Variants in FOXJ3 observed in about 807,000 individuals in gnomAD.
The protein encoded by FOXJ3 is forkhead box protein J3.
In FOXJ3, 22 loss-of-function variants were observed where a neutral mutation model predicts 76.1. That is an observed-to-expected ratio of 0.29 (90% CI 0.21 to 0.41). The LOEUF is 0.41. Ranked by LOEUF, FOXJ3 falls within the 10% of genes least tolerant of loss-of-function variation. The pLI, the probability that FOXJ3 is intolerant of heterozygous loss-of-function variation, is 1.00. For synonymous variants in FOXJ3, 269 were observed against 261.2 expected, an observed-to-expected ratio of 1.03 and a Z score of -0.29; for missense variants, 613 against 762.1, an observed-to-expected ratio of 0.80 and a Z score of 2.30.
chr1:42,323,198 G>C (rs1413077219), intron 1 of FOXJ3, among the ~76,000 whole-genome samples: 1 of 152,126 alleles, frequency 6.6e-6, no homozygotes, highest in Non-Finnish European at 1.5e-5. Context: ...AGGATTTCAA[G>C]AGTTGTTAAT....
chr1:42,203,854 G>A (rs974358809), intron 6 of FOXJ3, among the ~76,000 whole-genome samples: 1 of 152,008 alleles, frequency 6.6e-6, no homozygotes, highest in South Asian at 2.1e-4. Context: ...AAATTAGCCA[G>A]GCGCAGTGGT....
rs1039940094 is a variant in FOXJ3, at chr1:42,245,186, C to T, written c.445-17220G>A. On this transcript the variant is annotated intron_variant, in intron 4 of 12. Coordinates refer to ENST00000361346, the MANE Select transcript of FOXJ3 (RefSeq NM_014947.5). Reference sequence around the variant, plus strand: ...CGTCTCAAAAAAAAAAAAAAAAAAACAAGTCTCCCAACAAAGAAAAGCCCA... The same window carrying T: ...CGTCTCAAAAAAAAAAAAAAAAAAATAAGTCTCCCAACAAAGAAAAGCCCA... 3.6e-4 allele frequency among the ~76,000 whole-genome samples: 47 copies of T among 129,916 alleles called. 1 individual carries two copies. The highest frequency in any genetic ancestry group is 1.3e-3 in the African/African-American group (46 of 35,242). 85.2% of individuals were successfully genotyped at this position (129,916 alleles called of 152,430 possible).
chr1:42,252,351 G>A (rs1332869499), intron 4 of FOXJ3, among the ~76,000 whole-genome samples: 5 of 152,100 alleles, frequency 3.3e-5, no homozygotes, highest in Non-Finnish European at 5.9e-5. Context: ...TTTAGTCTTG[G>A]GAGAGTGTAC....
At chr1:42,187,561 A>C (rs994519370) in intron 11 of FOXJ3, among the ~76,000 whole-genome samples, 27 of 152,222 alleles carry the variant, frequency 1.8e-4, no homozygotes, top group African/African-American at 6.5e-4. Flanking sequence ...GCAAGAAAAG[A>C]TTTTAAAAAA....
At chr1:42,328,807 C>G (rs944218106) in intron 1 of FOXJ3, among the ~76,000 whole-genome samples, 1 of 151,642 alleles carries the variant, frequency 6.6e-6, no homozygotes, top group Non-Finnish European at 1.5e-5. Context: ...GCTGGGACTG[C>G]AGGAACCCAC....
At chr1:42,231,109 T>C (rs1197734396) in intron 4 of FOXJ3, among the ~76,000 whole-genome samples, 2 of 150,160 alleles carry the variant, frequency 1.3e-5, no homozygotes, top group Non-Finnish European at 3.0e-5. Context: ...GGTCAGGAGA[T>C]CCAGACCATC....
At chr1:42,230,019 A>C (rs1423777179) in intron 4 of FOXJ3, among the ~76,000 whole-genome samples, 1 of 152,206 alleles carries the variant, frequency 6.6e-6, no homozygotes, top group Admixed American at 6.5e-5. Context: ...AAACAAATAG[A>C]TAACTCTTCT....
intron 4 of FOXJ3, among the ~76,000 whole-genome samples, chr1:42,262,123 T>C (rs1651088092): frequency 6.6e-6 from 1 of 152,206 alleles, no homozygotes; most frequent in Non-Finnish European, 1.5e-5. Flanking sequence ...CTGAAAGACA[T>C]ACTTGCCACT....
intron 5 of FOXJ3, among the ~76,000 whole-genome samples, chr1:42,222,193 G>A (rs535438562): frequency 1.3e-5 from 2 of 151,662 alleles, no homozygotes; most frequent in East Asian, 1.9e-4. Flanking sequence ...TGCGCTTTGA[G>A]GGCATTCCTT....
intron 1 of FOXJ3, among the ~76,000 whole-genome samples, chr1:42,316,720 T>A (rs946570663): frequency 3.9e-5 from 6 of 152,186 alleles, no homozygotes; most frequent in African/African-American, 7.2e-5. Flanking sequence ...AAAGCATTAG[T>A]GTAACACCAG....
chr1:42,242,480 T>C (rs1262501159), intron 4 of FOXJ3, among the ~76,000 whole-genome samples: 2 of 151,586 alleles, frequency 1.3e-5, no homozygotes, highest in African/African-American at 4.8e-5. Context: ...AAAAATTCAT[T>C]TGAGAGCTTC....
At chr1:42,207,262 C>T (rs1398005489) in intron 5 of FOXJ3, among the ~76,000 whole-genome samples, 1 of 152,108 alleles carries the variant, frequency 6.6e-6, no homozygotes, top group African/African-American at 2.4e-5. Flanking sequence ...TTTTAGCTAC[C>T]ACATATGAGT....
chr1:42,298,349 T>A (rs1045378313), intron 2 of FOXJ3, among the ~76,000 whole-genome samples: 1 of 152,192 alleles, frequency 6.6e-6, no homozygotes, highest in Admixed American at 6.5e-5. Context: ...ATTTTGTTAC[T>A]TGTTATTGGT....
Position 42,179,106 on chromosome 1 carries a change from T to C in FOXJ3, c.*604A>G, listed in dbSNP as rs1258228156. The stretch of plus-strand genomic sequence containing the variant: ...AGGAGCAACATGCCCCTTCGGATTG[T>C]TGGAGTGTGTCAAATTCTGGTTTCC... On this transcript the variant is annotated 3_prime_UTR_variant, in exon 13 of 13. Coordinates refer to ENST00000361346, the MANE Select transcript of FOXJ3 (RefSeq NM_014947.5). 1 of 152,518 alleles carries C rather than the reference T, an allele frequency of 6.6e-6. No individual in the cohort carries two copies. The highest frequency in any genetic ancestry group is 1.5e-5 in the Non-Finnish European group (1 of 68,044). The allele number at this position is 152,518 out of a possible 1,614,324, so 9.4% of individuals were successfully genotyped here.
chr1:42,179,634 A>G lies in FOXJ3; in HGVS notation c.*76T>C, dbSNP rs1251942235. On this transcript the variant is annotated 3_prime_UTR_variant, in exon 13 of 13. Transcript: ENST00000361346. Reference sequence around the variant, plus strand: ...AGTGATTAGCAAGTTTGTTTTCTCAACTGGATTCTCTTAAACCTTTCCCTT... The same window carrying G: ...AGTGATTAGCAAGTTTGTTTTCTCAGCTGGATTCTCTTAAACCTTTCCCTT... 2.0e-5 allele frequency: 17 copies of G among 871,020 alleles called. No homozygotes were observed. In the Admixed American group the frequency reaches 3.3e-4, roughly 17 times the overall value. The allele number at this position is 871,020 out of a possible 1,614,324, so 54.0% of individuals were successfully genotyped here.
intron 4 of FOXJ3, among the ~76,000 whole-genome samples, chr1:42,263,538 C>T (rs1651223719): frequency 6.6e-6 from 1 of 152,026 alleles, no homozygotes; most frequent in Admixed American, 6.6e-5. Context: ...TGCACCAATT[C>T]CTATTCAGAA....
chr1:42,297,690 A>G (rs937820985), intron 2 of FOXJ3, among the ~76,000 whole-genome samples: 14 of 152,190 alleles, frequency 9.2e-5, no homozygotes, highest in African/African-American at 3.4e-4. Context: ...ACCTATGTTC[A>G]TTAGGGATAT....
intron 4 of FOXJ3, among the ~76,000 whole-genome samples, chr1:42,245,243 CAA>C (rs1194213270): frequency 6.6e-6 from 1 of 151,284 alleles, no homozygotes; most frequent in Admixed American, 6.6e-5. Flanking sequence ...CGAATTCTGC[CAA>C]ACTTATAAAG....
intron 4 of FOXJ3, among the ~76,000 whole-genome samples, chr1:42,249,582 C>T (rs1322172057): frequency 5.3e-5 from 8 of 152,168 alleles, no homozygotes; most frequent in Admixed American, 4.6e-4. Flanking sequence ...AAAAAATTAA[C>T]GTACAATTTG....
Sources: allele counts gnomAD v4.1 joint callset (sites outside exome capture counted in the v4.1 genomes callset), GRCh38; gene constraint gnomAD v4.1.1; transcripts MANE v1.5; gene names NCBI Gene and HGNC (gene_info 2026-07-23, HGNC 2026-07-21).